The following PRKN variants were observed in gnomAD, a reference collection of about 807,000 sequenced individuals.
The protein encoded by PRKN is parkin RBR E3 ubiquitin protein ligase.
A neutral mutation model predicts 59.5 loss-of-function variants in PRKN; 56 were observed. That is an observed-to-expected ratio of 0.94 (90% CI 0.76 to 1.18). The LOEUF is 1.18. PRKN is among the 50% of genes most tolerant of loss of function. PRKN has a pLI of 0.00. For missense variants in PRKN, 657 were observed against 596.4 expected (o/e 1.10, Z -1.06); for synonymous variants, 250 against 222.1 (o/e 1.13, Z -1.12).
chr6:162,599,604 C>T (rs1185945032), intron 1 of PRKN, among the ~76,000 whole-genome samples: 1 of 152,076 alleles, frequency 6.6e-6, no homozygotes, highest in African/African-American at 2.4e-5. Context: ...AGGCAGGCTG[C>T]GTGGGTTATT....
intron 4 of PRKN, among the ~76,000 whole-genome samples, chr6:162,086,155 C>T (rs1779238691): frequency 6.6e-6 from 1 of 152,162 alleles, no homozygotes; most frequent in African/African-American, 2.4e-5. Flanking sequence ...ATCCTATTAA[C>T]AAATGATTCT....
chr6:162,103,703 C>G (rs1260997515), intron 4 of PRKN, among the ~76,000 whole-genome samples: 4 of 151,936 alleles, frequency 2.6e-5, no homozygotes, highest in African/African-American at 9.7e-5. Context: ...CTCAGAGGAA[C>G]GCCAGGGCAG....
At chr6:161,663,379 G>A (rs1170883404) in intron 7 of PRKN, among the ~76,000 whole-genome samples, 1 of 152,114 alleles carries the variant, frequency 6.6e-6, no homozygotes, top group Non-Finnish European at 1.5e-5. Flanking sequence ...GAATATGAAT[G>A]TGGGTTCCTA....
chr6:161,746,922 T>C (rs1452281302), intron 7 of PRKN, among the ~76,000 whole-genome samples: 1 of 151,540 alleles, frequency 6.6e-6, no homozygotes, highest in East Asian at 1.9e-4. Context: ...GAAGCTGTCA[T>C]GTGACTACCC....
intron 2 of PRKN, among the ~76,000 whole-genome samples, chr6:162,379,126 A>C (rs1034969046): frequency 4.6e-5 from 7 of 152,172 alleles, no homozygotes; most frequent in African/African-American, 1.7e-4. Flanking sequence ...TATTTCTCTC[A>C]GAGGTCTAAA....
chr6:161,380,604 T>C (rs1157552590), intron 10 of PRKN, among the ~76,000 whole-genome samples: 2 of 152,046 alleles, frequency 1.3e-5, no homozygotes, highest in Non-Finnish European at 2.9e-5. Context: ...AAAGGTGCTT[T>C]ATAAATGTGT....
chr6:161,533,509 G>A lies in PRKN; in HGVS notation c.1083+15345C>T, dbSNP rs1302599244. On this transcript the variant is annotated intron_variant, in intron 9 of 11. Transcript: ENST00000366898. This position sits in a 1 kb window ranked among gnomAD's most constrained non-coding sequence, Gnocchi z 4.1. ...CATCTTCTCTTTTTGCCAGCCACGTGTCCAGTAAGGAGCAGACAAGATAGC... is the reference window on the plus strand; with the variant it reads ...CATCTTCTCTTTTTGCCAGCCACGTATCCAGTAAGGAGCAGACAAGATAGC... Among the ~76,000 whole-genome samples the A allele has an allele frequency of 6.6e-6, 1 of 152,132 alleles. No homozygotes were observed. Among genetic ancestry groups the A allele is most frequent in the Non-Finnish European group, 1.5e-5 (1 of 68,026 alleles).
chr6:161,911,727 G>C (rs150980735), intron 6 of PRKN, among the ~76,000 whole-genome samples: 52 of 152,278 alleles, frequency 3.4e-4, no homozygotes, highest in Non-Finnish European at 6.6e-4. Flanking sequence ...CTTCAAACCA[G>C]TGGGAAGCAA....
At chr6:161,931,264 T>G (rs574315348) in intron 6 of PRKN, among the ~76,000 whole-genome samples, 1 of 152,156 alleles carries the variant, frequency 6.6e-6, no homozygotes, top group South Asian at 2.1e-4. Context: ...GGCGAAACCC[T>G]GTCTCTACTA....
intron 4 of PRKN, among the ~76,000 whole-genome samples, chr6:162,083,549 A>G (rs1209937306): frequency 6.6e-6 from 1 of 152,114 alleles, no homozygotes; most frequent in Non-Finnish European, 1.5e-5. Flanking sequence ...TAGCATGAAT[A>G]ATGCTTTTTA....
chr6:162,641,771 G>T (rs7451965), intron 1 of PRKN, among the ~76,000 whole-genome samples: 29,499 of 151,968 alleles, frequency 0.19, 3,513 homozygotes, highest in East Asian at 0.47. Context: ...TTCTAGTTTT[G>T]TTTTAATGTG....
intron 9 of PRKN, among the ~76,000 whole-genome samples, chr6:161,438,686 C>A (rs1029030043): frequency 6.6e-6 from 1 of 151,992 alleles, no homozygotes; most frequent in Admixed American, 6.6e-5. Context: ...AGAAGAAAAT[C>A]GAAAAATAGA....
intron 1 of PRKN, among the ~76,000 whole-genome samples, chr6:162,716,731 CA>C (rs1778735372): frequency 6.6e-6 from 1 of 151,780 alleles, no homozygotes; most frequent in Non-Finnish European, 1.5e-5. Flanking sequence ...CTAGCTTCAT[CA>C]ACTAGTCCAT....
intron 2 of PRKN, among the ~76,000 whole-genome samples, chr6:162,388,445 A>T (rs1490784459): frequency 6.6e-6 from 1 of 152,202 alleles, no homozygotes; most frequent in Non-Finnish European, 1.5e-5. Flanking sequence ...TTTAATAAGA[A>T]AATGAAAATT....
chr6:162,608,644 C>T (rs1332340711), intron 1 of PRKN, among the ~76,000 whole-genome samples: 1 of 152,146 alleles, frequency 6.6e-6, no homozygotes, highest in African/African-American at 2.4e-5. Flanking sequence ...CAATTCTTGG[C>T]CCTGGGTTAG....
intron 4 of PRKN, among the ~76,000 whole-genome samples, chr6:162,158,786 C>T (rs919093203): frequency 6.6e-6 from 1 of 151,946 alleles, no homozygotes; most frequent in African/African-American, 2.4e-5. Context: ...CCGCCTTCAT[C>T]CAACACGGTT....
chr6:162,385,400 A>T (rs1015040733), intron 2 of PRKN, among the ~76,000 whole-genome samples: 1 of 152,174 alleles, frequency 6.6e-6, no homozygotes, highest in Admixed American at 6.6e-5. Context: ...TCACCACACA[A>T]AAACTTTCTC....
intron 4 of PRKN, among the ~76,000 whole-genome samples, chr6:162,140,668 A>G (rs1458945307): frequency 6.6e-6 from 1 of 152,132 alleles, no homozygotes; most frequent in African/African-American, 2.4e-5. Flanking sequence ...TTGCCAAATG[A>G]CCTCAAACCA....
At position 162,701,864 on chromosome 6, in the gene PRKN, TACAC is replaced by T. The variant is rs60401079; in HGVS notation, c.7+25794_7+25797del. ...ACACACACACACTCACATACATACA[TACAC>T]ACACACACACACACACACCCCCCCG... On this transcript the variant is annotated intron_variant, in intron 1 of 11. Coordinates refer to ENST00000366898, the MANE Select transcript of PRKN (RefSeq NM_004562.3). 1.4e-3 allele frequency among the ~76,000 whole-genome samples: 161 copies of T among 115,728 alleles called. 3 individuals carry two copies. The Middle Eastern group carries it at 0.056, about 40-fold the overall frequency. 75.9% of individuals were successfully genotyped at this position (115,728 alleles called of 152,430 possible). A position where few individuals can be genotyped will look rare whatever the true frequency, so the allele number is the denominator to read the frequency against.
Sources: gnomAD v4.1 joint callset for allele counts (sites outside exome capture counted in the v4.1 genomes callset) on GRCh38, gnomAD v4.1.1 for gene constraint, Gnocchi (gnomAD v3.1) non-coding constraint, MANE v1.5 for transcripts, NCBI Gene and HGNC (gene_info 2026-07-23, HGNC 2026-07-21) for gene names.